Variants in PHACTR3 observed in about 807,000 individuals in gnomAD.
The protein encoded by PHACTR3 is phosphatase and actin regulator 3, also known as protein phosphatase 1, regulatory subunit 123.
In PHACTR3, 16 loss-of-function variants were observed where a neutral mutation model predicts 66.8. The ratio of observed to expected loss-of-function variants is 0.24; its 90% CI spans 0.16 to 0.36. The LOEUF is 0.36. Among genes scored for constraint, PHACTR3 ranks in the 10% least tolerant of loss-of-function variants. The pLI, the probability that PHACTR3 is intolerant of heterozygous loss-of-function variation, is 1.00. For missense variants in PHACTR3, 647 were observed against 719.9 expected, an observed-to-expected ratio of 0.90 and a Z score of 1.16; for synonymous variants, 323 against 292.1, an observed-to-expected ratio of 1.11 and a Z score of -1.08.
In PHACTR3 at chr20:59,687,450, A is replaced by G. The variant is rs577550913; in HGVS notation, c.119-55657A>G. ...AGGGCGCAGGAAGTGTTTGCTAGGA[A>G]ATGGAAGAGTCCAGCTTATTCCAGT... is the stretch of plus-strand genomic sequence containing the variant. On this transcript the variant is annotated intron_variant, in intron 1 of 12. Coordinates refer to ENST00000371015, the MANE Select transcript of PHACTR3 (RefSeq NM_080672.5). Among the ~76,000 whole-genome samples the G allele has an allele frequency of 2.1e-3, 317 of 152,290 alleles. 1 individual carries two copies. Among genetic ancestry groups the G allele is most frequent in the Non-Finnish European group, 3.5e-3 (237 of 68,012 alleles).
chr20:59,602,456 G>A (rs201344933), upstream of PHACTR3, among the ~76,000 whole-genome samples: 9 of 139,656 alleles, frequency 6.4e-5, no homozygotes, highest in Non-Finnish European at 9.3e-5. Context: ...AAAAAAAAAA[G>A]AGAGAGAGAG....
chr20:59,624,132 G>T (rs989094128), intron 1 of PHACTR3, among the ~76,000 whole-genome samples: 1 of 152,132 alleles, frequency 6.6e-6, no homozygotes, highest in South Asian at 2.1e-4. Flanking sequence ...GGCTTTCTTC[G>T]ATGTGAGCCT....
In PHACTR3 at chr20:59,755,371, G is replaced by A; in HGVS notation, c.541+7G>A. On this transcript the variant is annotated splice_region_variant and intron_variant, in intron 4 of 12. Coordinates refer to ENST00000371015, the MANE Select transcript of PHACTR3 (RefSeq NM_080672.5). ...GCCCACTTGGACGATGCAGGTACTG[G>A]CTGGAGACCACGCGAAGTTGAGCTG... 1 of 1,612,230 alleles carries A rather than the reference G, an allele frequency of 6.2e-7. No individual in the cohort carries two copies. The highest frequency in any genetic ancestry group is 1.7e-5 in the Admixed American group (1 of 59,910).
chr20:59,664,730 G>A (rs1220945116), intron 1 of PHACTR3, among the ~76,000 whole-genome samples: 1 of 152,228 alleles, frequency 6.6e-6, no homozygotes, highest in African/African-American at 2.4e-5. Context: ...GTGTGGCAAA[G>A]TTGTTAAGAC....
intron 1 of PHACTR3, among the ~76,000 whole-genome samples, chr20:59,638,355 G>A (rs1015343437): frequency 6.6e-6 from 1 of 152,136 alleles, no homozygotes; most frequent in Non-Finnish European, 1.5e-5. Flanking sequence ...AGTGCTGGGT[G>A]GATGGATGGG....
At chr20:59,816,263 A>G (rs1248514699) in intron 8 of PHACTR3, among the ~76,000 whole-genome samples, 1 of 152,098 alleles carries the variant, frequency 6.6e-6, no homozygotes, top group Non-Finnish European at 1.5e-5. Context: ...CAGGAGGTGG[A>G]GCTAAGGCAG....
At chr20:59,717,757 G>GT (rs1208503541) in intron 1 of PHACTR3, among the ~76,000 whole-genome samples, 8 of 152,166 alleles carry the variant, frequency 5.3e-5, no homozygotes, top group Non-Finnish European at 8.8e-5. Flanking sequence ...TAAAGGTGTG[G>GT]TTTTTTTGAC....
chr20:59,669,771 G>A (rs1265028266), intron 1 of PHACTR3, among the ~76,000 whole-genome samples: 2 of 152,144 alleles, frequency 1.3e-5, no homozygotes, highest in Non-Finnish European at 2.9e-5. Context: ...TCATGTTTTC[G>A]AAGCTCATCC....
intron 1 of PHACTR3, among the ~76,000 whole-genome samples, chr20:59,632,897 A>G (rs1479498969): frequency 6.6e-6 from 1 of 152,198 alleles, no homozygotes; most frequent in Non-Finnish European, 1.5e-5. Flanking sequence ...AAGCTCTTGA[A>G]GCTGCTTCAA....
intron 7 of PHACTR3, among the ~76,000 whole-genome samples, chr20:59,794,812 A>C (rs1352581897): frequency 1.3e-5 from 2 of 152,096 alleles, no homozygotes; most frequent in Non-Finnish European, 2.9e-5. Flanking sequence ...TAGGTTATCC[A>C]ATTGTTCGTA....
At chr20:59,633,634 T>C (rs572625040) in intron 1 of PHACTR3, among the ~76,000 whole-genome samples, 1 of 152,340 alleles carries the variant, frequency 6.6e-6, no homozygotes, top group Non-Finnish European at 1.5e-5. Flanking sequence ...TTTTTGTTTT[T>C]AGAAGAAATA....
chr20:59,840,673 A>G (rs552222955), intron 10 of PHACTR3, among the ~76,000 whole-genome samples: 17 of 152,256 alleles, frequency 1.1e-4, no homozygotes, highest in Non-Finnish European at 1.8e-4. Context: ...CACAATGCAC[A>G]TGACATTTTT....
At chr20:59,719,112 G>C (rs1329788783) in intron 1 of PHACTR3, among the ~76,000 whole-genome samples, 1 of 152,200 alleles carries the variant, frequency 6.6e-6, no homozygotes, top group Non-Finnish European at 1.5e-5. Flanking sequence ...CTCCCCCGGG[G>C]CTGTCGGGCT....
At chr20:59,764,598 G>A (rs1480566815) in intron 4 of PHACTR3, among the ~76,000 whole-genome samples, 5 of 152,186 alleles carry the variant, frequency 3.3e-5, no homozygotes, top group South Asian at 2.1e-4. Context: ...ACGTATGGAG[G>A]AAGGGGGCGG....
chr20:59,726,088 G>A (rs1200387431), intron 1 of PHACTR3, among the ~76,000 whole-genome samples: 4 of 152,206 alleles, frequency 2.6e-5, no homozygotes, highest in Non-Finnish European at 5.9e-5. Context: ...CTCCAGGGTC[G>A]ATGGCACGAG....
intron 1 of PHACTR3, among the ~76,000 whole-genome samples, chr20:59,675,082 CCTTCCT>C (rs2036407921): frequency 8.1e-6 from 1 of 122,978 alleles, no homozygotes; most frequent in Admixed American, 8.0e-5. Context: ...CTTTTCCTCC[CCTTCCT>C]ATTCTTTTCC....
chr20:59,814,027 C>T (rs2041817179), intron 8 of PHACTR3, among the ~76,000 whole-genome samples: 1 of 152,228 alleles, frequency 6.6e-6, no homozygotes, highest in African/African-American at 2.4e-5. Flanking sequence ...CGGGGCCCTG[C>T]TCTGCTCTTC....
intron 1 of PHACTR3, among the ~76,000 whole-genome samples, chr20:59,658,286 G>A (rs2035692000): frequency 6.6e-6 from 1 of 151,230 alleles, no homozygotes; most frequent in Non-Finnish European, 1.5e-5. Context: ...ATCTTTCTAA[G>A]TCTGACACCT....
At chr20:59,807,484 G>C (rs1056083651) in intron 8 of PHACTR3, among the ~76,000 whole-genome samples, 22 of 152,178 alleles carry the variant, frequency 1.4e-4, no homozygotes, top group Non-Finnish European at 2.6e-4. Context: ...CCTGCTGGAG[G>C]CTGCTTTACA....
Sources: allele counts gnomAD v4.1 joint callset (sites outside exome capture counted in the v4.1 genomes callset), GRCh38; gene constraint gnomAD v4.1.1; transcripts MANE v1.5; gene names NCBI Gene and HGNC (gene_info 2026-07-23, HGNC 2026-07-21).